The following NBPF20 variants were observed in gnomAD, a reference collection of about 807,000 sequenced individuals.
NBPF20 encodes NBPF member 20, also known as NBPF family member NBPF20.
In NBPF20, 90 loss-of-function variants were observed where a neutral mutation model predicts 68.1. The observed-to-expected ratio is 1.32, with a 90% CI of 1.11 to 1.58. The LOEUF is 1.58. Among genes scored for constraint, NBPF20 ranks in the 40% most tolerant of loss-of-function variants. NBPF20 has a pLI of 0.00. For synonymous variants in NBPF20, 290 were observed against 228.1 expected, an observed-to-expected ratio of 1.27 and a Z score of -2.45; for missense variants, 816 against 601.2, an observed-to-expected ratio of 1.36 and a Z score of -3.74.
At chr1:145,400,529 T>G in exon 6 of NBPF20, 2 of 1,612,886 alleles carry the variant, frequency 1.2e-6, no homozygotes, top group East Asian at 2.2e-5. Flanking sequence ...GCTATTTGAA[T>G]AAGTGATGGC....
chr1:145,422,981 C>T, the NBPF20 span, among the ~76,000 whole-genome samples: 1 of 134,852 alleles, frequency 7.4e-6, no homozygotes, highest in Non-Finnish European at 1.6e-5. Context: ...GAGTGAGGCC[C>T]TGTCTGAAAA....
At chr1:145,406,516 C>A (rs587707612), upstream of NBPF20, among the ~76,000 whole-genome samples, 1 of 151,860 alleles carries the variant, frequency 6.6e-6, no homozygotes, top group East Asian at 1.9e-4. Flanking sequence ...AAATGTTGGA[C>A]AGAGTTTTGC....
the NBPF20 span, among the ~76,000 whole-genome samples, chr1:145,424,265 C>G: frequency 1.3e-5 from 2 of 150,506 alleles, no homozygotes; most frequent in South Asian, 4.3e-4. Flanking sequence ...TGTGATCTAC[C>G]GCGCCCGGAC....
upstream of NBPF20, among the ~76,000 whole-genome samples, chr1:145,409,687 C>T (rs1321039524): frequency 3.3e-5 from 5 of 150,680 alleles, no homozygotes; most frequent in Admixed American, 2.0e-4. Flanking sequence ...AGATAAGGGC[C>T]CCCAGCACCT....
upstream of NBPF20, among the ~76,000 whole-genome samples, chr1:145,407,481 C>A (rs1291934878): frequency 7.0e-6 from 1 of 142,436 alleles, no homozygotes; most frequent in Non-Finnish European, 1.5e-5. Flanking sequence ...AATATATATA[C>A]AAACACATGA....
chr1:145,291,706 A>C lies in NBPF20; in HGVS notation c.16761T>G (p.Cys5587Trp), dbSNP rs781947573. 8.1e-6 allele frequency: 13 copies of C among 1,611,936 alleles called. No homozygotes were observed. The South Asian group carries it at 1.3e-4, about 16-fold the overall frequency. ...CAAAGTACATTGACGGAGTAGAATA[A>C]CATCCATCCAGTGAGTCCTGTAAGA... Residue 5587 changes from cysteine (C) to tryptophan (W), a missense_variant, in exon 138 of 138, where the codon TGT (cysteine) becomes TGG (tryptophan). Cys to Trp is a radical substitution (Grantham distance 215, BLOSUM62 -2). Transcript: ENST00000369373.
chr1:145,403,661 C>G (rs1352000955), intron 2 of NBPF20, among the ~76,000 whole-genome samples: 1 of 152,180 alleles, frequency 6.6e-6, no homozygotes. Context: ...AAACACTGCA[C>G]TGGGGCATGA....
chr1:145,399,358 A>AT (rs1365249865), intron 6 of NBPF20, among the ~76,000 whole-genome samples: 1 of 151,920 alleles, frequency 6.6e-6, no homozygotes, highest in South Asian at 2.1e-4. Context: ...GTTAAACAAA[A>AT]TTTTTTCCCC....
chr1:145,292,150 C>A (rs1252760763), intron 137 of NBPF20, among the ~76,000 whole-genome samples: 1 of 149,700 alleles, frequency 6.7e-6, no homozygotes, highest in Non-Finnish European at 1.5e-5. Flanking sequence ...GATGCAGTGG[C>A]CATGAGAGTA....
upstream of NBPF20, among the ~76,000 whole-genome samples, chr1:145,407,589 T>C (rs1363544124): frequency 5.4e-5 from 8 of 147,664 alleles, no homozygotes; most frequent in South Asian, 2.1e-4. Flanking sequence ...ATATATATTA[T>C]ATATATATAT....
chr1:145,306,296 C>G (rs1661407571), intron 119 of NBPF20, among the ~76,000 whole-genome samples: 3 of 148,654 alleles, frequency 2.0e-5, no homozygotes, highest in East Asian at 2.0e-4. Context: ...CACACACACA[C>G]ACAGACACAC....
At chr1:145,410,698 A>AGG in the NBPF20 span, among the ~76,000 whole-genome samples, 1 of 113,010 alleles carries the variant, frequency 8.8e-6, no homozygotes. Context: ...CAATATATAT[A>AGG]TATGTGTGTG....
intron 2 of NBPF20, among the ~76,000 whole-genome samples, chr1:145,403,736 C>T (rs1662635628): frequency 6.6e-6 from 1 of 151,842 alleles, no homozygotes; most frequent in Non-Finnish European, 1.5e-5. Flanking sequence ...TTCCCTTTTA[C>T]TGGGAATTTC....
chr1:145,291,375 C>T, exon 138 of NBPF20: 4 of 1,550,784 alleles, frequency 2.6e-6, no homozygotes, highest in Non-Finnish European at 3.5e-6. Flanking sequence ...CACAGGTTGC[C>T]ACTGGCATGG....
At chr1:145,425,308 G>A in the NBPF20 span, among the ~76,000 whole-genome samples, 1 of 142,646 alleles carries the variant, frequency 7.0e-6, no homozygotes, top group African/African-American at 2.6e-5. Context: ...GTGTACCCGC[G>A]GGTCCCGGAC....
chr1:145,404,931 A>G (rs1432662838), intron 2 of NBPF20, among the ~76,000 whole-genome samples, 167 bp downstream of exon 7: 1 of 151,928 alleles, frequency 6.6e-6, no homozygotes, highest in African/African-American at 2.4e-5. Flanking sequence ...AAGTTGCTAA[A>G]TACTTTGGTA....
exon 6 of NBPF20, chr1:145,400,551 G>C: frequency 6.2e-7 from 1 of 1,612,680 alleles, no homozygotes; most frequent in South Asian, 1.1e-5. Context: ...CATTCCTCCT[G>C]TGAGTCCTCA....
At chr1:145,393,456 CAA>C (rs1462499009) in intron 9 of NBPF20, among the ~76,000 whole-genome samples, 53 of 110,928 alleles carry the variant, frequency 4.8e-4, no homozygotes, top group African/African-American at 2.0e-3. Context: ...CACACACACA[CAA>C]ACACACACAC....
chr1:145,406,085 A>ATTTTTTTTTTTTTTT (rs587699811), upstream of NBPF20, among the ~76,000 whole-genome samples: 1 of 117,652 alleles, frequency 8.5e-6, no homozygotes, highest in African/African-American at 3.4e-5. Context: ...CGCCCGGCTA[A>ATTTTTTTTTTTTTTT]TTTTTTTTTT....
Sources: gnomAD v4.1 joint callset for allele counts (sites outside exome capture counted in the v4.1 genomes callset) on GRCh38, gnomAD v4.1.1 for gene constraint, MANE v1.5 for transcripts, NCBI Gene and HGNC (gene_info 2026-07-23, HGNC 2026-07-21) for gene names.